The following CYB5R4 variants were observed in gnomAD, a reference collection of about 807,000 sequenced individuals.
CYB5R4 encodes cytochrome b5 reductase 4, also known as N-terminal cytochrome b5 and cytochrome b5 oxidoreductase domain-containing protein.
A neutral mutation model predicts 70.2 loss-of-function variants in CYB5R4; 55 were observed. The observed-to-expected ratio is 0.78, with a 90% CI of 0.63 to 0.98. The LOEUF (loss-of-function observed/expected upper bound fraction) is 0.98. Among genes scored for constraint, CYB5R4 ranks in the 50% least tolerant of loss-of-function variants. The pLI is 0.00. For synonymous variants in CYB5R4, 197 were observed against 199.5 expected, an observed-to-expected ratio of 0.99 and a Z score of 0.11; for missense variants, 562 against 612.6, an observed-to-expected ratio of 0.92 and a Z score of 0.87.
intron 14 of CYB5R4, among the ~76,000 whole-genome samples, chr6:83,941,262 CTAAAA>C (rs1169116615): frequency 4.6e-5 from 7 of 152,130 alleles, no homozygotes; most frequent in Non-Finnish European, 8.8e-5. Flanking sequence ...GCCCAGTAAA[CTAAAA>C]TAAGAAGATA....
At chr6:83,947,961 G>T (rs2129144502) in intron 14 of CYB5R4, among the ~76,000 whole-genome samples, 1 of 152,318 alleles carries the variant, frequency 6.6e-6, no homozygotes, top group Non-Finnish European at 1.5e-5. Flanking sequence ...AGACAGTGTG[G>T]TGATTTCTTA....
At chr6:83,879,403 G>C (rs2099459103) in intron 2 of CYB5R4, among the ~76,000 whole-genome samples, 1 of 152,258 alleles carries the variant, frequency 6.6e-6, no homozygotes, top group South Asian at 2.1e-4. Flanking sequence ...CCTAGTGTCA[G>C]TGCAGGATAA....
chr6:83,948,285 C>T (rs931472372), intron 14 of CYB5R4, among the ~76,000 whole-genome samples: 4 of 152,114 alleles, frequency 2.6e-5, no homozygotes, highest in Non-Finnish European at 5.9e-5. Context: ...CCAAATACCG[C>T]ATGTTCTTAC....
At chr6:83,910,223 CT>C (rs1205157211) in intron 4 of CYB5R4, 3 of 1,299,252 alleles carry the variant, frequency 2.3e-6, no homozygotes, top group Non-Finnish European at 3.2e-6. Context: ...GGAAGTTCAA[CT>C]TTTGTAAAGT....
intron 14 of CYB5R4, among the ~76,000 whole-genome samples, chr6:83,945,281 A>G (rs112032740): frequency 1.3e-5 from 2 of 152,328 alleles, no homozygotes; most frequent in African/African-American, 4.8e-5. Flanking sequence ...TCAAAACCGC[A>G]CAACTACGTG....
intron 14 of CYB5R4, among the ~76,000 whole-genome samples, chr6:83,946,343 T>C (rs1389922707): frequency 6.6e-6 from 1 of 152,182 alleles, no homozygotes; most frequent in Non-Finnish European, 1.5e-5. Flanking sequence ...TCTCAATAGA[T>C]GCAGAAAAGG....
chr6:83,953,048 CAGG>C (rs1000816369), intron 14 of CYB5R4, among the ~76,000 whole-genome samples: 1 of 152,092 alleles, frequency 6.6e-6, no homozygotes, highest in African/African-American at 2.4e-5. Flanking sequence ...CGGTTTCTTC[CAGG>C]AGATGTTCCT....
chr6:83,860,967 G>A (rs139688103), intron 1 of CYB5R4, among the ~76,000 whole-genome samples: 22 of 152,366 alleles, frequency 1.4e-4, no homozygotes, highest in African/African-American at 5.3e-4. Context: ...GTAGGCTTGT[G>A]TTGTGGTTCT....
chr6:83,958,278 A>G (rs2099472751), intron 15 of CYB5R4, among the ~76,000 whole-genome samples: 1 of 152,186 alleles, frequency 6.6e-6, no homozygotes, highest in South Asian at 2.1e-4. Flanking sequence ...GGACCACACT[A>G]TCTAGTGGTA....
intron 15 of CYB5R4, among the ~76,000 whole-genome samples, chr6:83,959,230 C>T (rs1581800): frequency 0.098 from 14,924 of 152,108 alleles, 1,272 homozygotes; most frequent in African/African-American, 0.21. Context: ...ATAATGGTAG[C>T]TAGCACTCAA....
chr6:83,908,036 T>C (rs978988701), intron 3 of CYB5R4, among the ~76,000 whole-genome samples: 7 of 152,200 alleles, frequency 4.6e-5, no homozygotes, highest in African/African-American at 1.7e-4. Context: ...TGTTTTTAGT[T>C]CTTTGAGGAA....
At chr6:83,877,093 G>A (rs566895796) in intron 2 of CYB5R4, among the ~76,000 whole-genome samples, 3 of 152,292 alleles carry the variant, frequency 2.0e-5, no homozygotes, top group South Asian at 2.1e-4. Flanking sequence ...GCCTCCCAAA[G>A]TGCTGGGATT....
At chr6:83,929,373 A>G (rs1008989225) in intron 10 of CYB5R4, 1 of 152,212 alleles carries the variant, frequency 6.6e-6, no homozygotes, top group Non-Finnish European at 1.5e-5. Flanking sequence ...AAACAAGTGT[A>G]TAAGTTGAAA....
Position 83,859,774 on chromosome 6 carries a change from G to T in CYB5R4, c.-9G>T, listed in dbSNP as rs745760714. The T allele has an allele frequency of 4.3e-6, 7 of 1,612,802 alleles. No individual in the cohort carries two copies. The Admixed American group carries it at 1.0e-4, about 23-fold the overall frequency. On this transcript the variant is annotated 5_prime_UTR_variant, in exon 1 of 16. Transcript: ENST00000369681. ...ATCCCCGGGCAGGGCCCGGGGCCGG[G>T]GTTTGAAGATGCTGAACGTCCCTTC...
intron 14 of CYB5R4, among the ~76,000 whole-genome samples, chr6:83,946,507 G>T (rs932608846): frequency 6.6e-6 from 1 of 152,126 alleles, no homozygotes; most frequent in Admixed American, 6.6e-5. Context: ...TTGAAAACTG[G>T]CACAAGACAA....
chr6:83,885,963 A>G (rs906758758), intron 2 of CYB5R4, among the ~76,000 whole-genome samples: 2 of 152,200 alleles, frequency 1.3e-5, no homozygotes, highest in African/African-American at 2.4e-5. Context: ...ATTCTTCATG[A>G]TAGCCAAAAA....
chr6:83,940,424 A>T (rs2099469566), intron 13 of CYB5R4, 91 bp from the exon 14 acceptor site: 1 of 1,268,066 alleles, frequency 7.9e-7, no homozygotes, highest in South Asian at 1.6e-5. Context: ...GGGCACTAAA[A>T]CATTCACACT....
At chr6:83,938,600 G>A (rs1385743725) in intron 12 of CYB5R4, among the ~76,000 whole-genome samples, 1 of 152,218 alleles carries the variant, frequency 6.6e-6, no homozygotes, top group African/African-American at 2.4e-5. Flanking sequence ...CCAGCTGTAA[G>A]TCAGTTGCCA....
At chr6:83,905,850 T>C (rs1041428567) in intron 3 of CYB5R4, among the ~76,000 whole-genome samples, 2 of 152,064 alleles carry the variant, frequency 1.3e-5, no homozygotes, top group African/African-American at 4.8e-5. Flanking sequence ...GAGGCTGTTA[T>C]GGGCTGCGCA....
Sources: gnomAD v4.1 joint callset for allele counts (sites outside exome capture counted in the v4.1 genomes callset) on GRCh38, gnomAD v4.1.1 for gene constraint, MANE v1.5 for transcripts, NCBI Gene and HGNC (gene_info 2026-07-23, HGNC 2026-07-21) for gene names.